IFT88: variants seen among roughly 807,000 people sequenced by gnomAD.
IFT88 encodes intraflagellar transport protein 88 homolog.
IFT88 carries 74 observed loss-of-function variants against 119.5 expected under a neutral mutation model. The ratio of observed to expected loss-of-function variants is 0.62; its 90% CI spans 0.51 to 0.75. IFT88 has a LOEUF of 0.75. Among genes scored for constraint, IFT88 ranks in the 30% least tolerant of loss-of-function variants. IFT88 has a pLI of 0.00. For synonymous variants in IFT88, 279 were observed against 316.7 expected (o/e 0.88, Z 1.26); for missense variants, 961 against 977.7 (o/e 0.98, Z 0.23).
chr13:20,676,092 G>T (rs531644797), intron 24 of IFT88, among the ~76,000 whole-genome samples: 10 of 152,256 alleles, frequency 6.6e-5, no homozygotes, highest in African/African-American at 2.4e-4. Flanking sequence ...ACCTTACTAA[G>T]TCAACACACA....
rs951939585 is a variant in IFT88, at chr13:20,674,747, A to T, written c.2242+3708A>T. Among the ~76,000 whole-genome samples, 10 of 62,420 alleles carry T rather than the reference A, an allele frequency of 1.6e-4. No individual in the cohort carries two copies. The East Asian group carries it at 9.8e-3, about 61-fold the overall frequency. The allele number at this position is 62,420 out of a possible 152,430, so 40.9% of individuals were successfully genotyped here. On this transcript the variant is annotated intron_variant, in intron 24 of 25. Coordinates refer to ENST00000351808, the MANE Select transcript of IFT88 (RefSeq NM_006531.5). ...ATATTTTTTTTTTTTTTTTTTTTTG[A>T]GACAGAGTCTTGCTGGAGTGCAGTG... is the stretch of plus-strand genomic sequence containing the variant.
At chr13:20,685,261 C>A (rs1276507858) in intron 24 of IFT88, among the ~76,000 whole-genome samples, 2 of 152,040 alleles carry the variant, frequency 1.3e-5, no homozygotes, top group Admixed American at 6.5e-5. Flanking sequence ...GGTGGGGGGG[C>A]CAGGTTTTCC....
intron 12 of IFT88, among the ~76,000 whole-genome samples, chr13:20,602,614 G>A (rs1462057606): frequency 1.3e-5 from 2 of 152,226 alleles, no homozygotes; most frequent in Non-Finnish European, 2.9e-5. Flanking sequence ...GCTGGGCGCA[G>A]TGGCTCACAC....
At chr13:20,584,547 TAATA>T (rs1201342439) in intron 3 of IFT88, among the ~76,000 whole-genome samples, 3 of 152,214 alleles carry the variant, frequency 2.0e-5, no homozygotes, top group East Asian at 1.9e-4. Context: ...TAATATTAAT[TAATA>T]CTCAATTAAT....
At chr13:20,644,456 G>T (rs2497496) in intron 19 of IFT88, among the ~76,000 whole-genome samples, 1 of 151,870 alleles carries the variant, frequency 6.6e-6, no homozygotes, top group Non-Finnish European at 1.5e-5. Context: ...AGCCAAGATC[G>T]CATTTACTAC....
At chr13:20,580,737 T>C (rs1180643414) in intron 2 of IFT88, among the ~76,000 whole-genome samples, 1 of 148,010 alleles carries the variant, frequency 6.8e-6, no homozygotes, top group Non-Finnish European at 1.5e-5. Context: ...TTTTTTTTTT[T>C]TTTTTTGAGA....
intron 23 of IFT88, among the ~76,000 whole-genome samples, chr13:20,664,230 T>G (rs2054284337): frequency 6.6e-6 from 1 of 152,236 alleles, no homozygotes; most frequent in African/African-American, 2.4e-5. Context: ...GTAATTTCTC[T>G]TGCTGATTCC....
At chr13:20,673,693 G>A (rs904789842) in intron 24 of IFT88, among the ~76,000 whole-genome samples, 3 of 152,212 alleles carry the variant, frequency 2.0e-5, no homozygotes, top group African/African-American at 7.2e-5. Flanking sequence ...TGCTATAAAA[G>A]AGAGGCCTTC....
At chr13:20,645,062 TTGA>T in intron 20 of IFT88, 104 bp downstream of exon 20, 1 of 533,458 alleles carries the variant, frequency 1.9e-6, no homozygotes, top group Non-Finnish European at 3.4e-6. Flanking sequence ...AGAACAGATG[TTGA>T]TGGACATTCA....
chr13:20,577,858 T>C (rs2037708660), intron 2 of IFT88, among the ~76,000 whole-genome samples: 3 of 152,132 alleles, frequency 2.0e-5, no homozygotes, highest in Admixed American at 2.0e-4. Flanking sequence ...TCGGTAATAC[T>C]GGCCTTATAG....
At chr13:20,611,796 A>T (rs574351319) in intron 13 of IFT88, among the ~76,000 whole-genome samples, 54 of 152,010 alleles carry the variant, frequency 3.6e-4, no homozygotes, top group African/African-American at 1.2e-3. Flanking sequence ...AGTAGACATA[A>T]GGTTTCACCG....
rs147688662 is a variant in IFT88 at position 20,598,661 on chromosome 13, A to G, written c.605A>G (p.Asn202Ser). 40 of 1,606,398 alleles carry G rather than the reference A, an allele frequency of 2.5e-5. No homozygotes were observed. Among genetic ancestry groups the G allele is most frequent in the South Asian group, 1.4e-4 (13 of 90,802 alleles). ...TATTTTCTTCCTTAGGTTCTTTTCA[A>G]TTTGGCCAGTCAGTATTCAGTTAAT... ...NLDLTYSVLF[N>S]LASQYSVNEM... is the part of the protein sequence containing the mutation. The change falls in exon 10 of 26, where the codon AAT becomes AGT. Residue 202 changes from asparagine (N) to serine (S), a missense_variant. Transcript: ENST00000351808.
At chr13:20,680,228 G>A (rs775600854) in intron 24 of IFT88, among the ~76,000 whole-genome samples, 2 of 152,148 alleles carry the variant, frequency 1.3e-5, no homozygotes, top group African/African-American at 4.8e-5. Flanking sequence ...AGGCACTATC[G>A]CCAGCCAGGA....
At chr13:20,686,686 G>C (rs1281039902) in intron 24 of IFT88, among the ~76,000 whole-genome samples, 3 of 152,100 alleles carry the variant, frequency 2.0e-5, no homozygotes, top group African/African-American at 7.2e-5. Context: ...TAGCAAAAAT[G>C]AAGGACATTG....
At chr13:20,675,915 G>A (rs113636235) in intron 24 of IFT88, among the ~76,000 whole-genome samples, 116 of 152,356 alleles carry the variant, frequency 7.6e-4, no homozygotes, top group African/African-American at 2.7e-3. Context: ...CCTGCTCTAA[G>A]CCAAAGTCTC....
At chr13:20,592,810 A>G (rs2040930327) in intron 7 of IFT88, among the ~76,000 whole-genome samples, 1 of 152,160 alleles carries the variant, frequency 6.6e-6, no homozygotes, top group Non-Finnish European at 1.5e-5. Context: ...AGAATTACAT[A>G]ATTATGTGAA....
chr13:20,650,459 G>T (rs2051452973), intron 20 of IFT88, among the ~76,000 whole-genome samples: 2 of 152,110 alleles, frequency 1.3e-5, no homozygotes, highest in Admixed American at 1.3e-4. Context: ...GGAATAGAAA[G>T]AACTTCCTTA....
chr13:20,573,572 T>C (rs1442399288), intron 1 of IFT88, among the ~76,000 whole-genome samples: 1 of 152,220 alleles, frequency 6.6e-6, no homozygotes, highest in African/African-American at 2.4e-5. Context: ...TGAGTGGAAT[T>C]GCTGGGTGAT....
chr13:20,686,104 A>C (rs2141261672), intron 24 of IFT88, among the ~76,000 whole-genome samples: 1 of 152,314 alleles, frequency 6.6e-6, no homozygotes, highest in South Asian at 2.1e-4. Context: ...GTGAGATCCC[A>C]CATCGAGCTT....
Sources: allele counts gnomAD v4.1 joint callset (sites outside exome capture counted in the v4.1 genomes callset), GRCh38; gene constraint gnomAD v4.1.1; transcripts MANE v1.5; gene names NCBI Gene and HGNC (gene_info 2026-07-23, HGNC 2026-07-21).